The following ZBBX variants were observed in gnomAD, a reference collection of about 807,000 sequenced individuals.
The protein encoded by ZBBX is zinc finger B-box domain containing, also known as zinc finger B-box domain-containing protein 1.
ZBBX carries 101 observed loss-of-function variants against 108.5 expected under a neutral mutation model. That is an observed-to-expected ratio of 0.93 (90% CI 0.79 to 1.10). The LOEUF is 1.10. ZBBX is among the 50% of genes least tolerant of loss of function. The pLI is 0.00. For synonymous variants in ZBBX, 356 were observed against 323.4 expected (o/e 1.10, Z -1.08); for missense variants, 1,009 against 941.4 (o/e 1.07, Z -0.94).
At chr3:167,290,981 A>C (rs948741756) in intron 18 of ZBBX, among the ~76,000 whole-genome samples, 2 of 152,186 alleles carry the variant, frequency 1.3e-5, no homozygotes, top group African/African-American at 4.8e-5. Context: ...AACTCAATGA[A>C]ATAAAGCGGA....
At chr3:167,211,989 C>T in the ZBBX span, among the ~76,000 whole-genome samples, 1 of 152,176 alleles carries the variant, frequency 6.6e-6, no homozygotes, top group African/African-American at 2.4e-5. Context: ...TGTAGTCAGA[C>T]TGCTTTTTTA....
intron 15 of ZBBX, among the ~76,000 whole-genome samples, chr3:167,314,734 A>C (rs1056654927): frequency 6.6e-6 from 1 of 152,180 alleles, no homozygotes; most frequent in African/African-American, 2.4e-5. Context: ...AGAGAAAATT[A>C]ATGTAGTTCT....
intron 18 of ZBBX, among the ~76,000 whole-genome samples, chr3:167,291,779 A>G (rs992686697): frequency 3.3e-5 from 5 of 152,216 alleles, no homozygotes; most frequent in African/African-American, 1.2e-4. Context: ...TAAAGATTCA[A>G]GACCCATCAG....
rs115073486 is a variant in ZBBX at position 167,371,312 on chromosome 3, C to T, written c.68+1522G>A. Among the ~76,000 whole-genome samples the T allele has an allele frequency of 3.3e-3, 504 of 152,170 alleles. 2 individuals carry two copies. Among genetic ancestry groups the T allele is most frequent in the African/African-American group, 0.012 (481 of 41,516 alleles). ...CAAAATCATGTGGTCTCTGAGAAGT[C>T]CCCAAAATCATGTGGTCTCTGTGTC... On this transcript the variant is annotated intron_variant, in intron 4 of 21. Transcript: ENST00000675490.
intron 20 of ZBBX, among the ~76,000 whole-genome samples, chr3:167,265,916 C>A (rs541326105): frequency 6.6e-6 from 1 of 152,328 alleles, no homozygotes; most frequent in South Asian, 2.1e-4. Flanking sequence ...TGCTCTCCCT[C>A]CCCAGAGAGC....
At chr3:167,393,124 CA>C (rs1460950727) in intron 1 of ZBBX, among the ~76,000 whole-genome samples, 9 of 151,790 alleles carry the variant, frequency 5.9e-5, no homozygotes, top group Non-Finnish European at 7.4e-5. Context: ...TTTCCCTGGA[CA>C]ATGGAGTACA....
chr3:167,404,455 T>A (rs1052191767), intron 1 of ZBBX, among the ~76,000 whole-genome samples: 1 of 152,018 alleles, frequency 6.6e-6, no homozygotes, highest in Non-Finnish European at 1.5e-5. Context: ...AGACAATGAG[T>A]ATTGTCAGAG....
chr3:167,178,425 C>T, the ZBBX span, among the ~76,000 whole-genome samples: 1 of 152,184 alleles, frequency 6.6e-6, no homozygotes, highest in Non-Finnish European at 1.5e-5. Flanking sequence ...GTCCTGCTTT[C>T]CTCAGGTTTT....
In ZBBX at chr3:167,240,532, G is replaced by A. The variant is rs1188253504; in HGVS notation, c.*261C>T. On this transcript the variant is annotated 3_prime_UTR_variant, in exon 22 of 22. Coordinates refer to ENST00000675490, the MANE Select transcript of ZBBX (RefSeq NM_001199201.2). ...CCCTATAGTAGGTTTTATAGACACA[G>A]TTGTAACAGTTATTTCTTCAAATTC... 3.4e-6 allele frequency: 1 copy of A among 290,456 alleles called. No individual in the cohort carries two copies. The highest frequency in any genetic ancestry group is 6.5e-6 in the Non-Finnish European group (1 of 152,900). 18.0% of individuals were successfully genotyped at this position (290,456 alleles called of 1,614,324 possible).
intron 16 of ZBBX, among the ~76,000 whole-genome samples, chr3:167,306,321 A>T (rs763967266): frequency 5.9e-5 from 9 of 152,108 alleles, no homozygotes; most frequent in Non-Finnish European, 1.3e-4. Context: ...CAGGGGGAAC[A>T]TTTTTTCATT....
the ZBBX span, among the ~76,000 whole-genome samples, chr3:167,207,948 C>T: frequency 6.6e-6 from 1 of 152,262 alleles, no homozygotes; most frequent in South Asian, 2.1e-4. Context: ...TTGCCTACAC[C>T]ACCCCTCTAC....
intron 20 of ZBBX, among the ~76,000 whole-genome samples, chr3:167,251,433 C>T (rs1202295803): frequency 2.0e-5 from 3 of 152,172 alleles, no homozygotes; most frequent in African/African-American, 7.2e-5. Flanking sequence ...CACCCCTAGA[C>T]ACTCTCGTGG....
intron 9 of ZBBX, among the ~76,000 whole-genome samples, chr3:167,338,659 A>T (rs1739990242): frequency 1.3e-5 from 2 of 152,084 alleles, no homozygotes; most frequent in Admixed American, 6.6e-5. Context: ...CAGTCACAAA[A>T]TTTTAGAAGA....
intron 18 of ZBBX, among the ~76,000 whole-genome samples, chr3:167,294,668 T>C (rs1318058805): frequency 6.6e-6 from 1 of 152,058 alleles, no homozygotes; most frequent in African/African-American, 2.4e-5. Context: ...CGAAAAGCAA[T>C]GGCAACAAAA....
the ZBBX span, among the ~76,000 whole-genome samples, chr3:167,182,514 A>G: frequency 6.6e-6 from 1 of 152,190 alleles, no homozygotes; most frequent in Non-Finnish European, 1.5e-5. Flanking sequence ...ATTTTTTCCT[A>G]AGCTCTAATG....
At chr3:167,183,929 C>T in the ZBBX span, among the ~76,000 whole-genome samples, 3 of 152,266 alleles carry the variant, frequency 2.0e-5, no homozygotes, top group Non-Finnish European at 4.4e-5. Context: ...TCTGAGGAAT[C>T]ATGAGAACTG....
In ZBBX at chr3:167,306,123, G is replaced by T. The variant is rs184955042; in HGVS notation, c.1418-173C>A. Among the ~76,000 whole-genome samples the T allele has an allele frequency of 4.7e-4, 71 of 152,210 alleles. 1 individual carries two copies. Among genetic ancestry groups the T allele is most frequent in the African/African-American group, 1.6e-3 (67 of 41,548 alleles). On this transcript the variant is annotated intron_variant, in intron 16 of 21. Coordinates refer to ENST00000675490, the MANE Select transcript of ZBBX (RefSeq NM_001199201.2). Reference sequence around the variant, plus strand: ...ATTTTTACTATGCTTATATTCATAAGTGGTAATCATAATTCACTTATAGAA... The same window carrying T: ...ATTTTTACTATGCTTATATTCATAATTGGTAATCATAATTCACTTATAGAA...
chr3:167,399,071 G>C (rs917586293), intron 1 of ZBBX, among the ~76,000 whole-genome samples: 1 of 150,572 alleles, frequency 6.6e-6, no homozygotes, highest in Non-Finnish European at 1.5e-5. Flanking sequence ...CCACCAAGAA[G>C]GCTCTCACCG....
chr3:167,368,618 A>G (rs1301058983), intron 4 of ZBBX, 44 bp from the exon 5 acceptor site: 1 of 1,459,350 alleles, frequency 6.9e-7, no homozygotes, highest in East Asian at 2.5e-5. Flanking sequence ...AAAACAAGCG[A>G]AGCCAAAATA....
Sources: gnomAD v4.1 joint callset for allele counts (sites outside exome capture counted in the v4.1 genomes callset) on GRCh38, gnomAD v4.1.1 for gene constraint, MANE v1.5 for transcripts, NCBI Gene and HGNC (gene_info 2026-07-23, HGNC 2026-07-21) for gene names.